The following ABCB4 variants were observed in gnomAD, a reference collection of about 807,000 sequenced individuals.
The protein encoded by ABCB4 is phosphatidylcholine translocator ABCB4.
ABCB4 carries 76 observed loss-of-function variants against 145.7 expected under a neutral mutation model. That is an observed-to-expected ratio of 0.52 (90% confidence interval 0.43 to 0.63). The LOEUF is 0.63. ABCB4 is among the 30% of genes least tolerant of loss of function. ABCB4 has a pLI of 0.00. For missense variants in ABCB4, 1,234 were observed against 1,553.1 expected (o/e 0.79, Z 3.45); for synonymous variants, 517 against 566.8 (o/e 0.91, Z 1.25).
chr7:87,433,673 TTG>T (rs1171525810), intron 14 of ABCB4, among the ~76,000 whole-genome samples: 1,284 of 125,890 alleles, frequency 0.01, 60 homozygotes, highest in African/African-American at 0.048. Context: ...AAAATTGTTG[TTG>T]TTTTTTTTTT....
chr7:87,439,375 CTTTTGGTCAAAAGTA>C (rs1810819063), intron 14 of ABCB4, among the ~76,000 whole-genome samples: 1 of 152,084 alleles, frequency 6.6e-6, no homozygotes, highest in Non-Finnish European at 1.5e-5. Flanking sequence ...AACATGACTA[CTTTTGGTCAAAAGTA>C]GTCTTGCAAT....
chr7:87,408,005 C>T (rs781769968), intron 25 of ABCB4, 32 bp downstream of exon 25: 1 of 1,611,384 alleles, frequency 6.2e-7, no homozygotes, highest in South Asian at 1.1e-5. Context: ...TAAAATATAG[C>T]CTTCAATCAA....
At chr7:87,366,739 A>G in the ABCB4 span, among the ~76,000 whole-genome samples, 1 of 152,156 alleles carries the variant, frequency 6.6e-6, no homozygotes, top group African/African-American at 2.4e-5. Context: ...ACCTCTCCCC[A>G]GTACTGATGT....
the ABCB4 span, among the ~76,000 whole-genome samples, chr7:87,370,955 A>G: frequency 6.6e-6 from 1 of 152,222 alleles, no homozygotes; most frequent in Admixed American, 6.5e-5. Flanking sequence ...GGAGTTCCTT[A>G]CATTCTGGGT....
chr7:87,372,254 T>C, the ABCB4 span, among the ~76,000 whole-genome samples: 2 of 152,236 alleles, frequency 1.3e-5, no homozygotes, highest in African/African-American at 4.8e-5. Context: ...TTATACATTA[T>C]GTGTGTTGCA....
intron 7 of ABCB4, among the ~76,000 whole-genome samples, chr7:87,450,548 G>A (rs1224984834): frequency 1.4e-5 from 2 of 141,852 alleles, no homozygotes; most frequent in African/African-American, 5.4e-5. Flanking sequence ...TCGGCTCACT[G>A]TAACCTCTGC....
chr7:87,469,924 T>C (rs1813238218), intron 3 of ABCB4, among the ~76,000 whole-genome samples: 1 of 151,842 alleles, frequency 6.6e-6, no homozygotes, highest in South Asian at 2.1e-4. Context: ...AATCCTAAGC[T>C]AAAAGAACAA....
At position 87,430,528 on chromosome 7, in the gene ABCB4, C is replaced by A. The variant is rs536788366; in HGVS notation, c.1893+876G>T. On this transcript the variant is annotated intron_variant, in intron 15 of 27. Transcript: ENST00000649586. Reference sequence around the variant, plus strand: ...AACTAGAATGAATGAGTGCTCTTTTCTTTCTTTTTTCTCTGAGACAGAGTC... The same window carrying A: ...AACTAGAATGAATGAGTGCTCTTTTATTTCTTTTTTCTCTGAGACAGAGTC... Among the ~76,000 whole-genome samples, 3 of 152,128 alleles carry A rather than the reference C, an allele frequency of 2.0e-5. No individual in the cohort carries two copies. The South Asian group carries it at 6.2e-4, about 32-fold the overall frequency.
At chr7:87,410,195 A>G (rs1334415097) in intron 23 of ABCB4, among the ~76,000 whole-genome samples, 1 of 152,008 alleles carries the variant, frequency 6.6e-6, no homozygotes, top group East Asian at 1.9e-4. Context: ...AGGAAGGGCT[A>G]AAGATCCTGA....
At chr7:87,463,004 T>A in intron 3 of ABCB4, 96 bp from the exon 4 acceptor site, 1 of 1,157,802 alleles carries the variant, frequency 8.6e-7, no homozygotes, top group Admixed American at 2.2e-5. Flanking sequence ...AAGTCAGTAC[T>A]TTTTTAAGAG....
At chr7:87,393,118 T>C in the ABCB4 span, 1 of 1,571,344 alleles carries the variant, frequency 6.4e-7, no homozygotes, top group Non-Finnish European at 8.6e-7. Context: ...GGAAAGGTAT[T>C]ACTTTTGTTT....
At chr7:87,385,195 T>C in the ABCB4 span, among the ~76,000 whole-genome samples, 1 of 152,052 alleles carries the variant, frequency 6.6e-6, no homozygotes, top group Non-Finnish European at 1.5e-5. Flanking sequence ...TGGTTCCATA[T>C]GAATTTTTGG....
Position 87,402,068 on chromosome 7 carries a change from T to G in ABCB4, c.*28A>C. 1 of 1,612,710 alleles carries G rather than the reference T, an allele frequency of 6.2e-7. No individual in the cohort carries two copies. Among genetic ancestry groups the G allele is most frequent in the South Asian group, 1.1e-5 (1 of 90,970 alleles). On this transcript the variant is annotated 3_prime_UTR_variant, in exon 28 of 28. Coordinates refer to ENST00000649586, the MANE Select transcript of ABCB4 (RefSeq NM_000443.4). ...ATAAAATGGTAGAATAATTTGAATT[T>G]ATTTTTAAAATATACTGTAGCAAAA...
intron 21 of ABCB4, among the ~76,000 whole-genome samples, chr7:87,413,922 C>T (rs1808797135): frequency 6.6e-6 from 1 of 152,184 alleles, no homozygotes; most frequent in Admixed American, 6.5e-5. Context: ...GTATGGTAGG[C>T]AAGTCTTTGT....
chr7:87,374,724 T>C, the ABCB4 span, among the ~76,000 whole-genome samples: 1 of 152,050 alleles, frequency 6.6e-6, no homozygotes, highest in Non-Finnish European at 1.5e-5. Flanking sequence ...TATTTCTTTA[T>C]CAGTGTTACA....
At chr7:87,431,053 T>C (rs6954059) in intron 15 of ABCB4, among the ~76,000 whole-genome samples, 183 of 152,320 alleles carry the variant, frequency 1.2e-3, no homozygotes, top group African/African-American at 4.2e-3. Flanking sequence ...GCATTCCATA[T>C]AACTCAGAGC....
the ABCB4 span, chr7:87,382,176 A>G: frequency 3.2e-5 from 51 of 1,580,720 alleles, no homozygotes; most frequent in Middle Eastern, 5.0e-4. Context: ...CCAGTATCTC[A>G]GGGAGGTATA....
At chr7:87,391,529 C>G in the ABCB4 span, 1 of 1,496,028 alleles carries the variant, frequency 6.7e-7, no homozygotes, top group Non-Finnish European at 9.0e-7. Flanking sequence ...GCAACTATAT[C>G]TGTAATGATA....
chr7:87,368,785 G>T, the ABCB4 span, among the ~76,000 whole-genome samples: 1 of 152,174 alleles, frequency 6.6e-6, no homozygotes, highest in Non-Finnish European at 1.5e-5. Context: ...ATAGTCTGAG[G>T]TTTACAGCAA....
Sources: allele counts gnomAD v4.1 joint callset (sites outside exome capture counted in the v4.1 genomes callset), GRCh38; gene constraint gnomAD v4.1.1; transcripts MANE v1.5; gene names NCBI Gene and HGNC (gene_info 2026-07-23, HGNC 2026-07-21).